Variants in UNC5D observed in about 807,000 individuals in gnomAD.
UNC5D encodes unc-5 netrin receptor D.
In UNC5D, 39 loss-of-function variants were observed where a neutral mutation model predicts 105.4. That is an observed-to-expected ratio of 0.37 (90% CI 0.29 to 0.48). The LOEUF is 0.48. UNC5D is among the 20% of genes least tolerant of loss of function. The pLI is 0.98. For missense variants in UNC5D, 991 were observed against 1,202.4 expected, an observed-to-expected ratio of 0.82 and a Z score of 2.60; for synonymous variants, 452 against 450.4, an observed-to-expected ratio of 1.00 and a Z score of -0.04.
chr8:35,359,729 A>G (rs1053165315), intron 1 of UNC5D, among the ~76,000 whole-genome samples: 8 of 152,190 alleles, frequency 5.3e-5, no homozygotes, highest in African/African-American at 1.7e-4. Context: ...CATTAAAAAG[A>G]TGTATTTCTG....
intron 2 of UNC5D, among the ~76,000 whole-genome samples, chr8:35,565,761 T>A (rs926318296): frequency 3.3e-5 from 5 of 152,208 alleles, no homozygotes; most frequent in Non-Finnish European, 7.3e-5. Context: ...GTGAGAGGGA[T>A]CCAGTTTCAT....
chr8:35,371,176 G>GCACACA (rs10563262), intron 1 of UNC5D, among the ~76,000 whole-genome samples: 18 of 149,280 alleles, frequency 1.2e-4, no homozygotes, highest in African/African-American at 3.4e-4. Context: ...TTGTGCCACT[G>GCACACA]CACACACACA....
intron 9 of UNC5D, among the ~76,000 whole-genome samples, chr8:35,725,062 G>A (rs1390155625): frequency 6.6e-6 from 1 of 152,202 alleles, no homozygotes; most frequent in Non-Finnish European, 1.5e-5. Flanking sequence ...GGAAAAGTCA[G>A]GGTGATAGAT....
chr8:35,321,599 C>G (rs375807335), intron 1 of UNC5D, among the ~76,000 whole-genome samples: 1 of 152,158 alleles, frequency 6.6e-6, no homozygotes, highest in South Asian at 2.1e-4. Flanking sequence ...CTAAATCACC[C>G]AGTCATGGGC....
intron 1 of UNC5D, among the ~76,000 whole-genome samples, chr8:35,489,371 ACC>A (rs1485121094): frequency 1.3e-5 from 2 of 152,068 alleles, no homozygotes; most frequent in Admixed American, 1.3e-4. Context: ...AAGTTCTAAC[ACC>A]CAGTGTCTCA....
At chr8:35,532,222 G>C (rs1481486388) in intron 1 of UNC5D, among the ~76,000 whole-genome samples, 9 of 150,692 alleles carry the variant, frequency 6.0e-5, no homozygotes, top group African/African-American at 2.0e-4. Context: ...TCCTTCAGGA[G>C]GTCTTTTAGG....
rs140970852 is a variant in UNC5D at position 35,348,916 on chromosome 8, T to G, written c.103+113029T>G. On this transcript the variant is annotated intron_variant, in intron 1 of 16. Coordinates refer to ENST00000404895, the MANE Select transcript of UNC5D (RefSeq NM_080872.4). Reference sequence around the variant, plus strand: ...ATTAGACATGAAATTTTAGTAAACTTTATTACATTTAGAAACAATAAAACC... The same window carrying G: ...ATTAGACATGAAATTTTAGTAAACTGTATTACATTTAGAAACAATAAAACC... Among the ~76,000 whole-genome samples, 440 of 151,952 alleles carry G rather than the reference T, an allele frequency of 2.9e-3. 14 individuals carry two copies. Among genetic ancestry groups the G allele is most frequent in the Admixed American group, 0.024 (360 of 15,234 alleles).
At chr8:35,345,299 C>G (rs1347068262) in intron 1 of UNC5D, among the ~76,000 whole-genome samples, 3 of 151,802 alleles carry the variant, frequency 2.0e-5, no homozygotes, top group Non-Finnish European at 4.4e-5. Flanking sequence ...CTTTTGCTTG[C>G]ATCGGCAGAG....
intron 4 of UNC5D, among the ~76,000 whole-genome samples, chr8:35,599,933 C>T (rs1819742509): frequency 6.6e-6 from 1 of 152,116 alleles, no homozygotes; most frequent in African/African-American, 2.4e-5. Flanking sequence ...GGTATATCTC[C>T]TAATACTATC....
At chr8:35,681,934 A>G (rs1825690267) in intron 4 of UNC5D, among the ~76,000 whole-genome samples, 1 of 152,020 alleles carries the variant, frequency 6.6e-6, no homozygotes, top group Non-Finnish European at 1.5e-5. Flanking sequence ...ACAAATCATT[A>G]TTAAACCAAA....
intron 1 of UNC5D, among the ~76,000 whole-genome samples, chr8:35,416,405 TA>T (rs1805538554): frequency 6.6e-6 from 1 of 152,132 alleles, no homozygotes; most frequent in Non-Finnish European, 1.5e-5. Context: ...TCTTTATACT[TA>T]AAAAATGACT....
At chr8:35,412,467 C>T (rs1272725864) in intron 1 of UNC5D, among the ~76,000 whole-genome samples, 1 of 135,248 alleles carries the variant, frequency 7.4e-6, no homozygotes, top group Non-Finnish European at 1.6e-5. Context: ...TATGTTATGA[C>T]AAAAAAAAAA....
At chr8:35,382,818 A>G (rs1156457626) in intron 1 of UNC5D, among the ~76,000 whole-genome samples, 1 of 152,110 alleles carries the variant, frequency 6.6e-6, no homozygotes, top group African/African-American at 2.4e-5. Flanking sequence ...CATGGCTTTG[A>G]TGTTTCTGTG....
At chr8:35,706,517 A>G (rs1223882366) in intron 8 of UNC5D, among the ~76,000 whole-genome samples, 1 of 152,086 alleles carries the variant, frequency 6.6e-6, no homozygotes, top group Non-Finnish European at 1.5e-5. Flanking sequence ...AGAGCTGGAG[A>G]GAGGAGATGG....
chr8:35,609,496 C>T (rs1046838263), intron 4 of UNC5D, among the ~76,000 whole-genome samples: 20 of 152,130 alleles, frequency 1.3e-4, no homozygotes, highest in African/African-American at 4.8e-4. Context: ...GGAGAAGGAA[C>T]GTGAAAATGT....
chr8:35,688,969 A>C (rs754469945), intron 7 of UNC5D, among the ~76,000 whole-genome samples: 1 of 152,252 alleles, frequency 6.6e-6, no homozygotes, highest in Non-Finnish European at 1.5e-5. Context: ...TTTATGTGTC[A>C]ACCTGACTGA....
intron 1 of UNC5D, among the ~76,000 whole-genome samples, chr8:35,536,806 G>A (rs1471853670): frequency 6.6e-6 from 1 of 152,122 alleles, no homozygotes; most frequent in Non-Finnish European, 1.5e-5. Context: ...GACCAGCCTG[G>A]CCAATATGGT....
intron 4 of UNC5D, among the ~76,000 whole-genome samples, chr8:35,603,629 T>A (rs1279515678): frequency 6.6e-6 from 1 of 152,198 alleles, no homozygotes; most frequent in African/African-American, 2.4e-5. Flanking sequence ...ATCTGTCTAA[T>A]GTTGACAGTG....
chr8:35,653,065 G>C (rs1440634976), intron 4 of UNC5D, among the ~76,000 whole-genome samples: 2 of 151,784 alleles, frequency 1.3e-5, no homozygotes, highest in Non-Finnish European at 2.9e-5. Context: ...GCGTAGCTGG[G>C]AATACAGGCA....
Sources: gnomAD v4.1 joint callset for allele counts (sites outside exome capture counted in the v4.1 genomes callset) on GRCh38, gnomAD v4.1.1 for gene constraint, MANE v1.5 for transcripts, NCBI Gene and HGNC (gene_info 2026-07-23, HGNC 2026-07-21) for gene names.